The following SUCLG2 variants were observed in gnomAD, a reference collection of about 807,000 sequenced individuals.
The protein encoded by SUCLG2 is succinate--CoA ligase [GDP-forming] subunit beta, mitochondrial.
Under a neutral mutation model 47.9 loss-of-function variants are expected in SUCLG2, and 42 were observed. That is an observed-to-expected ratio of 0.88 (90% confidence interval 0.69 to 1.14). SUCLG2 has a LOEUF of 1.14. Among genes scored for constraint, SUCLG2 ranks in the 50% most tolerant of loss-of-function variants. SUCLG2 has a pLI of 0.00. For missense variants in SUCLG2, 571 were observed against 525.9 expected (o/e 1.09, Z -0.84); for synonymous variants, 195 against 197.3 (o/e 0.99, Z 0.10).
At chr3:67,583,275 G>C (rs1707928952) in intron 2 of SUCLG2, among the ~76,000 whole-genome samples, 2 of 152,134 alleles carry the variant, frequency 1.3e-5, no homozygotes, top group African/African-American at 4.8e-5. Context: ...ACTTGGAAGA[G>C]CCACCCTAGG....
chr3:67,424,849 C>G (rs1703258444), intron 9 of SUCLG2, among the ~76,000 whole-genome samples: 1 of 152,104 alleles, frequency 6.6e-6, no homozygotes, highest in Non-Finnish European at 1.5e-5. Flanking sequence ...CCCATTTTAT[C>G]TGGCTGAATA....
intron 1 of SUCLG2, among the ~76,000 whole-genome samples, chr3:67,648,636 G>A (rs181345813): frequency 9.2e-5 from 14 of 152,282 alleles, no homozygotes; most frequent in Non-Finnish European, 1.8e-4. Flanking sequence ...GATGTTGTAA[G>A]GGTTAAAGAA....
At chr3:67,401,046 CAATAT>C (rs1382020654) in intron 9 of SUCLG2, among the ~76,000 whole-genome samples, 195 bp from the exon 10 acceptor site, 1 of 152,070 alleles carries the variant, frequency 6.6e-6, no homozygotes, top group Non-Finnish European at 1.5e-5. Context: ...ATAAATATCA[CAATAT>C]AACATTACCA....
At chr3:67,650,919 T>C (rs149851001) in intron 1 of SUCLG2, among the ~76,000 whole-genome samples, 2 of 152,232 alleles carry the variant, frequency 1.3e-5, no homozygotes, top group Non-Finnish European at 2.9e-5. Flanking sequence ...AGCCAACATT[T>C]CCCCTAAGAC....
intron 10 of SUCLG2, among the ~76,000 whole-genome samples, chr3:67,379,998 C>T (rs373509220): frequency 6.6e-6 from 1 of 152,334 alleles, no homozygotes. Context: ...GCTAGCAGTA[C>T]GTGCTGACCG....
intron 1 of SUCLG2, among the ~76,000 whole-genome samples, chr3:67,636,862 G>T (rs965390174): frequency 6.6e-6 from 1 of 151,748 alleles, no homozygotes; most frequent in Non-Finnish European, 1.5e-5. Context: ...CCTGGTGGAG[G>T]ATATAAACGT....
At chr3:67,629,950 A>G (rs964155635) in intron 1 of SUCLG2, among the ~76,000 whole-genome samples, 1 of 152,142 alleles carries the variant, frequency 6.6e-6, no homozygotes, top group Non-Finnish European at 1.5e-5. Context: ...AGCATTCTCT[A>G]ATCCTACTCT....
At chr3:67,588,145 G>A (rs1427151579) in intron 2 of SUCLG2, among the ~76,000 whole-genome samples, 17 of 152,134 alleles carry the variant, frequency 1.1e-4, no homozygotes. Flanking sequence ...ATATCATGCA[G>A]CTGCTTCTAT....
intron 10 of SUCLG2, among the ~76,000 whole-genome samples, chr3:67,398,960 G>A (rs1034045645): frequency 7.0e-6 from 1 of 141,942 alleles, no homozygotes; most frequent in African/African-American, 2.6e-5. Flanking sequence ...TCATAGGTGG[G>A]AATTGAACAA....
intron 2 of SUCLG2, among the ~76,000 whole-genome samples, chr3:67,545,550 G>A (rs1367197050): frequency 6.6e-6 from 1 of 152,132 alleles, no homozygotes; most frequent in Admixed American, 6.5e-5. Context: ...AACACAGAGG[G>A]GACTTTAGAT....
chr3:67,479,899 G>A (rs1704866511), intron 9 of SUCLG2, among the ~76,000 whole-genome samples: 1 of 152,176 alleles, frequency 6.6e-6, no homozygotes, highest in South Asian at 2.1e-4. Flanking sequence ...CCACATTGAT[G>A]AACTCTACCT....
chr3:67,538,854 T>G (rs923189389), intron 2 of SUCLG2, among the ~76,000 whole-genome samples: 2 of 146,376 alleles, frequency 1.4e-5, no homozygotes, highest in Middle Eastern at 3.2e-3. Context: ...ATTTGGCTCT[T>G]TGTTTGTCTA....
intron 10 of SUCLG2, among the ~76,000 whole-genome samples, chr3:67,383,792 G>A (rs541513246): frequency 2.2e-4 from 34 of 152,178 alleles, no homozygotes; most frequent in Non-Finnish European, 4.1e-4. Context: ...CAAAGTTAAA[G>A]GAGCCTTAAT....
At chr3:67,625,234 G>A (rs1315009459) in intron 1 of SUCLG2, among the ~76,000 whole-genome samples, 1 of 152,180 alleles carries the variant, frequency 6.6e-6, no homozygotes, top group East Asian at 1.9e-4. Flanking sequence ...ATAAGCTTAA[G>A]TGAGTGGCAT....
rs35290770 is a variant in SUCLG2, at chr3:67,626,913, C to CAAA, written c.85-17320_85-17318dup. On this transcript the variant is annotated intron_variant, in intron 1 of 10. Transcript: ENST00000307227. ...TGGGCGACAGAGTGAGACTCCGTCT[C>CAAA]AAAAAAAAAAAAAAAAAAAAAAAGC... Among the ~76,000 whole-genome samples, 241 of 41,568 alleles carry CAAA rather than the reference C, an allele frequency of 5.8e-3. 2 individuals are homozygous for CAAA. Among genetic ancestry groups the CAAA allele is most frequent in the South Asian group, 8.4e-3 (7 of 836 alleles). 27.3% of individuals were successfully genotyped at this position (41,568 alleles called of 152,430 possible).
At chr3:67,454,585 C>T (rs536792783) in intron 9 of SUCLG2, among the ~76,000 whole-genome samples, 1 of 152,216 alleles carries the variant, frequency 6.6e-6, no homozygotes, top group South Asian at 2.1e-4. Flanking sequence ...TGAAGCATTT[C>T]ATACTGAGTG....
intron 2 of SUCLG2, among the ~76,000 whole-genome samples, chr3:67,559,632 A>C (rs1055924579): frequency 5.9e-5 from 9 of 152,214 alleles, no homozygotes; most frequent in African/African-American, 2.2e-4. Flanking sequence ...GGACAGAGCC[A>C]GACTACCATC....
chr3:67,497,281 C>T (rs1003575918), intron 8 of SUCLG2, among the ~76,000 whole-genome samples: 5 of 152,112 alleles, frequency 3.3e-5, no homozygotes, highest in African/African-American at 1.2e-4. Context: ...TAATGAGCTA[C>T]AAATCATTTT....
intron 9 of SUCLG2, among the ~76,000 whole-genome samples, chr3:67,414,794 A>G (rs1353902264): frequency 6.6e-6 from 1 of 152,322 alleles, no homozygotes; most frequent in East Asian, 1.9e-4. Context: ...CTTTCCTGAT[A>G]CTATCACTAC....
Sources: allele counts gnomAD v4.1 joint callset (sites outside exome capture counted in the v4.1 genomes callset), GRCh38; gene constraint gnomAD v4.1.1; transcripts MANE v1.5; gene names NCBI Gene and HGNC (gene_info 2026-07-23, HGNC 2026-07-21).